Variants in UBE2D2 observed in about 807,000 individuals in gnomAD.
The protein encoded by UBE2D2 is ubiquitin-conjugating enzyme E2 D2.
UBE2D2 carries 2 observed loss-of-function variants against 24.2 expected under a neutral mutation model. The observed-to-expected ratio is 0.08, with a 90% CI of 0.03 to 0.26. UBE2D2 has a LOEUF of 0.26. Among genes scored for constraint, UBE2D2 ranks in the 10% least tolerant of loss-of-function variants. The pLI is 1.00. For missense variants in UBE2D2, 44 were observed against 177.6 expected (o/e 0.25, Z 4.28); for synonymous variants, 58 against 56.5 (o/e 1.03, Z -0.12).
upstream of UBE2D2, among the ~76,000 whole-genome samples, chr5:139,557,997 G>T (rs931475448): frequency 2.0e-5 from 3 of 152,092 alleles, no homozygotes; most frequent in East Asian, 5.8e-4. Flanking sequence ...CTACTCAGCG[G>T]GCTGAAGTGG....
At chr5:139,547,027 A>T (rs1303646792) in intron 1 of UBE2D2, among the ~76,000 whole-genome samples, 1 of 151,502 alleles carries the variant, frequency 6.6e-6, no homozygotes, top group East Asian at 2.0e-4. Context: ...AAGGTGGCTC[A>T]CGCCTGTAAT....
intron 1 of UBE2D2, among the ~76,000 whole-genome samples, chr5:139,581,993 G>GT (rs950050430): frequency 1.5e-4 from 23 of 149,118 alleles, no homozygotes; most frequent in East Asian, 3.9e-4. Context: ...TTTTGTTTTT[G>GT]TTTTTTTTTG....
At position 139,600,386 on chromosome 5, in the gene UBE2D2, G is replaced by C; in HGVS notation, c.39G>C (p.Leu13=). 1 of 1,614,038 alleles carries C rather than the reference G, an allele frequency of 6.2e-7. No homozygotes were observed. The highest frequency in any genetic ancestry group is 2.2e-5 in the East Asian group (1 of 44,876). ...LKRIHKELND[L]ARDPPAQCSA... ...TTTTTCTGTAGGAATTGAATGATCT[G>C]GCACGGGACCCTCCAGCACAGTGTT... is the stretch of plus-strand genomic sequence containing the variant. The change falls in exon 2 of 7, where the codon CTG becomes CTC. Residue 13 remains leucine, a synonymous_variant. Transcript: ENST00000398733.
At chr5:139,621,158 A>C (rs1754507411) in intron 5 of UBE2D2, among the ~76,000 whole-genome samples, 1 of 152,178 alleles carries the variant, frequency 6.6e-6, no homozygotes, top group South Asian at 2.1e-4. Context: ...TGGGAGGATG[A>C]CTTGAGCCCA....
chr5:139,589,605 T>C (rs1225208887), intron 1 of UBE2D2, among the ~76,000 whole-genome samples: 1 of 152,198 alleles, frequency 6.6e-6, no homozygotes, highest in Non-Finnish European at 1.5e-5. Context: ...GAAACAATTA[T>C]TGAAATGAAG....
Position 139,626,894 on chromosome 5 carries a change from GC to G in UBE2D2, c.*96del. 2 of 1,052,298 alleles carry G rather than the reference GC, an allele frequency of 1.9e-6. No homozygotes were observed. Among genetic ancestry groups the G allele is most frequent in the Non-Finnish European group, 2.9e-6 (2 of 696,118 alleles). 65.2% of individuals were successfully genotyped at this position (1,052,298 alleles called of 1,614,324 possible). ...ATTTCCATTTGACTGCTTTCTATGA[GC>G]CCACGCCTCATCTTCCCCTGTGCAC... On this transcript the variant is annotated 3_prime_UTR_variant, in exon 7 of 7. Transcript: ENST00000398733.
intron 6 of UBE2D2, among the ~76,000 whole-genome samples, chr5:139,624,087 A>G (rs374121244): frequency 1.3e-5 from 2 of 152,316 alleles, no homozygotes; most frequent in East Asian, 3.9e-4. Context: ...TTTGCCTGCC[A>G]TAGGTATTTG....
At chr5:139,528,171 TAAG>T (rs1407288190) in intron 1 of UBE2D2, among the ~76,000 whole-genome samples, 2 of 152,160 alleles carry the variant, frequency 1.3e-5, no homozygotes, top group Non-Finnish European at 2.9e-5. Flanking sequence ...GCAGTGAGCT[TAAG>T]AATTTTCAAG....
rs73261136 is a variant in UBE2D2 at position 139,591,540 on chromosome 5, A to T, written c.25-8832A>T. On this transcript the variant is annotated intron_variant, in intron 1 of 6. Coordinates refer to ENST00000398733, the MANE Select transcript of UBE2D2 (RefSeq NM_003339.3). ...TTAGTTCAGGGAGAGATTGATATTG[A>T]TACATGTTTCCATCGGTTTGTCTGT... is the stretch of plus-strand genomic sequence containing the variant. Among the ~76,000 whole-genome samples, 358 of 152,282 alleles carry T rather than the reference A, an allele frequency of 2.4e-3. 1 individual carries two copies. Among genetic ancestry groups the T allele is most frequent in the African/African-American group, 8.3e-3 (347 of 41,560 alleles).
intron 5 of UBE2D2, among the ~76,000 whole-genome samples, chr5:139,616,924 G>A (rs574166589): frequency 2.6e-5 from 4 of 152,296 alleles, no homozygotes; most frequent in South Asian, 2.1e-4. Context: ...GTTCATGCCT[G>A]TAATCCCAGA....
At chr5:139,619,338 G>T (rs372983304) in intron 5 of UBE2D2, among the ~76,000 whole-genome samples, 1 of 151,174 alleles carries the variant, frequency 6.6e-6, no homozygotes, top group Non-Finnish European at 1.5e-5. Context: ...AGAGGTTGCA[G>T]TGAGCCAACA....
At chr5:139,562,744 T>A (rs948724406) in intron 1 of UBE2D2, among the ~76,000 whole-genome samples, 9 of 152,326 alleles carry the variant, frequency 5.9e-5, no homozygotes, top group African/African-American at 1.9e-4. Flanking sequence ...ATAAGGAGGT[T>A]TTCCTAATAA....
At chr5:139,599,179 C>G (rs905140324) in intron 1 of UBE2D2, among the ~76,000 whole-genome samples, 2 of 151,650 alleles carry the variant, frequency 1.3e-5, no homozygotes, top group Non-Finnish European at 2.9e-5. Flanking sequence ...AGGTGATCCT[C>G]CCACCTCGGC....
intron 1 of UBE2D2, among the ~76,000 whole-genome samples, chr5:139,574,735 CAAAAAAAAA>C (rs75539434): frequency 0.015 from 1,091 of 70,748 alleles, 14 homozygotes; most frequent in Admixed American, 0.024. Flanking sequence ...GGTGGGGTGG[CAAAAAAAAA>C]AAAAAAAAAG....
chr5:139,536,304 G>A (rs1401285627), intron 1 of UBE2D2, among the ~76,000 whole-genome samples: 1 of 151,548 alleles, frequency 6.6e-6, no homozygotes, highest in Admixed American at 6.6e-5. Flanking sequence ...TCTCCACATT[G>A]GTCAGGCTGG....
chr5:139,557,308 T>C (rs1037450716), upstream of UBE2D2, among the ~76,000 whole-genome samples: 8 of 151,210 alleles, frequency 5.3e-5, no homozygotes, highest in African/African-American at 1.9e-4. Context: ...AATTTTGTAT[T>C]TTTTTTTAGT....
chr5:139,566,655 A>G (rs1373410649), intron 1 of UBE2D2, among the ~76,000 whole-genome samples: 2 of 152,156 alleles, frequency 1.3e-5, no homozygotes, highest in Non-Finnish European at 2.9e-5. Context: ...AGCCTATGCA[A>G]CAGAGTGAGA....
At chr5:139,609,874 C>T (rs1442853317) in intron 2 of UBE2D2, among the ~76,000 whole-genome samples, 3 of 150,996 alleles carry the variant, frequency 2.0e-5, no homozygotes, top group African/African-American at 4.9e-5. Flanking sequence ...TGGGTTCAAG[C>T]GATTCTCCTT....
chr5:139,599,166 GTCAGGTGATCCTCCCACC>G (rs1324807480), intron 1 of UBE2D2, among the ~76,000 whole-genome samples: 1 of 151,352 alleles, frequency 6.6e-6, no homozygotes, highest in East Asian at 2.0e-4. Flanking sequence ...AACTCCTGAC[GTCAGGTGATCCTCCCACC>G]TCGGCCCCAC....
Sources: allele counts gnomAD v4.1 joint callset (sites outside exome capture counted in the v4.1 genomes callset), GRCh38; gene constraint gnomAD v4.1.1; transcripts MANE v1.5; gene names NCBI Gene and HGNC (gene_info 2026-07-23, HGNC 2026-07-21).